SPRTN: variants seen among roughly 807,000 people sequenced by gnomAD.
SPRTN encodes SprT-like N-terminal domain.
A neutral mutation model predicts 31.9 loss-of-function variants in SPRTN; 11 were observed. That is an observed-to-expected ratio of 0.34 (90% CI 0.22 to 0.57). SPRTN has a LOEUF of 0.57. SPRTN is among the 20% of genes least tolerant of loss of function. SPRTN has a pLI of 0.86. For missense variants in SPRTN, 482 were observed against 590.1 expected (o/e 0.82, Z 1.90); for synonymous variants, 185 against 212.1 (o/e 0.87, Z 1.11).
In SPRTN at chr1:231,339,826, C is replaced by T. The variant is rs760311031; in HGVS notation, c.279C>T (p.Ser93=). Residue 93 remains serine, a synonymous_variant, in exon 2 of 5, where the codon AGC becomes AGT. Transcript: ENST00000295050. The part of the protein sequence containing the change: ...GKGGMCSIRL[S]EPLLKLRPRK... ...GTGGAATGTGTTCCATCCGTCTCAGCGAACCCCTTTTGAAGTTGAGGCCAA... is the reference window on the plus strand; with the variant it reads ...GTGGAATGTGTTCCATCCGTCTCAGTGAACCCCTTTTGAAGTTGAGGCCAA... 1 of 1,614,066 alleles carries T rather than the reference C, an allele frequency of 6.2e-7. No individual in the cohort carries two copies. Among genetic ancestry groups the T allele is most frequent in the Non-Finnish European group, 8.5e-7 (1 of 1,179,978 alleles).
At chr1:231,344,479 T>G (rs1686991410) in intron 2 of SPRTN, 1 of 172,312 alleles carries the variant, frequency 5.8e-6, no homozygotes, top group South Asian at 1.7e-4. Flanking sequence ...TGCACTCCAG[T>G]CTGGGTGAAA....
At position 231,353,894 on chromosome 1, in the gene SPRTN, G is replaced by A. The variant is rs1687316742; in HGVS notation, c.*533G>A. 2.1e-6 allele frequency: 2 copies of A among 944,904 alleles called. No homozygotes were observed. The highest frequency in any genetic ancestry group is 6.2e-5 in the Admixed American group (1 of 16,196). 58.5% of individuals were successfully genotyped at this position (944,904 alleles called of 1,614,324 possible). A position where few individuals can be genotyped will look rare whatever the true frequency, so the allele number is the denominator to read the frequency against. ...TGTTTGCAAAATCTTAACAGGAACT[G>A]TATTTTCTATATTTTAAAGAATTTT... is the stretch of plus-strand genomic sequence containing the variant. On this transcript the variant is annotated 3_prime_UTR_variant, in exon 5 of 5. Transcript: ENST00000295050.
rs750495209 is a variant in SPRTN, at chr1:231,352,896, A to C, written c.1005A>C (p.Val335=). The C allele has an allele frequency of 1.2e-6, 2 of 1,614,190 alleles. No homozygotes were observed. Among genetic ancestry groups the C allele is most frequent in the East Asian group, 2.2e-5 (1 of 44,878 alleles). Residue 335 remains valine, a synonymous_variant, in exon 5 of 5, where the codon GTA becomes GTC. Coordinates refer to ENST00000295050, the MANE Select transcript of SPRTN (RefSeq NM_032018.7). The stretch of plus-strand genomic sequence containing the variant: ...TTCTAAGCAACTACTTTCCTAGAGT[A>C]TCATTTGCCAACCAAAAGGCTTTCA... The part of the protein sequence containing the change: ...QNVLSNYFPR[V]SFANQKAFRG...
Position 231,347,915 on chromosome 1 carries a change from C to T in SPRTN, c.440C>T (p.Ala147Val). ...HMHRINSLTG[A>V]NITVYHTFHD... ...CATCGCATCAACAGCCTGACTGGAG[C>T]CAATATAACGGTATAGAAAGCCATA... is the stretch of plus-strand genomic sequence containing the variant. Residue 147 changes from alanine (A) to valine (V), a missense_variant, in exon 3 of 5, where the codon GCC becomes GTC. Ala to Val is a moderately conservative substitution (Grantham distance 64, BLOSUM62 0). This residue lies in a region of SPRTN where 157 missense variants were observed against 239.9 expected (regional missense o/e 0.65). Transcript: ENST00000295050. 6.2e-7 allele frequency: 1 copy of T among 1,611,830 alleles called. No individual in the cohort carries two copies. Among genetic ancestry groups the T allele is most frequent in the South Asian group, 1.1e-5 (1 of 90,570 alleles).
Position 231,354,269 on chromosome 1 carries a change from ATATTTTCCATG to A in SPRTN, c.*910_*920del, listed in dbSNP as rs1558370240. The A allele has an allele frequency of 3.1e-6, 3 of 977,364 alleles. No homozygotes were observed. The highest frequency in any genetic ancestry group is 2.3e-4 in the East Asian group (2 of 8,782). The allele number at this position is 977,364 out of a possible 1,614,324, so 60.5% of individuals were successfully genotyped here. ...TTTTAAGTAATCTTTTTTAAAAAAA[ATATTTTCCATG>A]TTATAGGGAAAGGACAAAGAGACTT... On this transcript the variant is annotated 3_prime_UTR_variant, in exon 5 of 5. Transcript: ENST00000295050.
chr1:231,347,896 A>G lies in SPRTN; in HGVS notation c.421A>G (p.Ile141Val). The G allele has an allele frequency of 1.2e-6, 2 of 1,613,794 alleles. No individual in the cohort carries two copies. The highest frequency in any genetic ancestry group is 1.7e-6 in the Non-Finnish European group (2 of 1,179,978). The change falls in exon 3 of 5, where the codon ATC (isoleucine) becomes GTC (valine). Residue 141 changes from isoleucine to valine, a missense_variant. Physicochemically the swap from Ile to Val is conservative, Grantham distance 29. Transcript: ENST00000295050. ...GPEFCKHMHR[I>V]NSLTGANITV... ...AGAATTTTGTAAACATATGCATCGC[A>G]TCAACAGCCTGACTGGAGCCAATAT... is the stretch of plus-strand genomic sequence containing the variant.
intron 4 of SPRTN, chr1:231,351,793 A>T (rs1230751071): frequency 1.7e-6 from 2 of 1,170,842 alleles, no homozygotes; most frequent in Non-Finnish European, 2.1e-6. Flanking sequence ...AATAGTTTCC[A>T]TGGATATTTT....
intron 3 of SPRTN, among the ~76,000 whole-genome samples, chr1:231,348,964 G>A (rs115881735): frequency 0.011 from 1,639 of 152,052 alleles, 27 homozygotes; most frequent in African/African-American, 0.037. Flanking sequence ...GTGCTCAACC[G>A]CCATGTTTTG....
Position 231,338,542 on chromosome 1 carries a change from C to T in SPRTN, c.159C>T (p.Asn53=). ...TGCAGGCACTGTTTGTTCAGTTTAA[C>T]GACCAATTCTTCTGGGGCCAGCTGG... is the stretch of plus-strand genomic sequence containing the variant. ...PDLQALFVQF[N]DQFFWGQLEA... is the part of the protein sequence containing the mutation. Residue 53 remains asparagine, a synonymous_variant, in exon 1 of 5, where the codon AAC becomes AAT. Coordinates refer to ENST00000295050, the MANE Select transcript of SPRTN (RefSeq NM_032018.7). 1 of 1,614,254 alleles carries T rather than the reference C, an allele frequency of 6.2e-7. No homozygotes were observed. The highest frequency in any genetic ancestry group is 8.5e-7 in the Non-Finnish European group (1 of 1,180,056).
In SPRTN at chr1:231,352,832, A is replaced by C. The variant is rs370828866; in HGVS notation, c.941A>C (p.His314Pro). 14 of 1,613,748 alleles carry C rather than the reference A, an allele frequency of 8.7e-6. No individual in the cohort carries two copies. Among genetic ancestry groups the C allele is most frequent in the Non-Finnish European group, 1.2e-5 (14 of 1,179,910 alleles). ...CAGAATGGTTCAAGTAAAAATTCTC[A>C]TCTGGTCTCCCCTGCTGTTAGTAAC... Reference protein sequence around the residue: ...FEQNGSSKNSHLVSPAVSNSH... With the variant: ...FEQNGSSKNSPLVSPAVSNSH... The change falls in exon 5 of 5, where the codon CAT becomes CCT. Residue 314 changes from histidine to proline, a missense_variant. Around this residue, in one of 2 missense-constraint regions of SPRTN, gnomAD observed 325 missense variants for 350.2 expected, o/e 0.93. Coordinates refer to ENST00000295050, the MANE Select transcript of SPRTN (RefSeq NM_032018.7).
intron 2 of SPRTN, among the ~76,000 whole-genome samples, chr1:231,346,919 G>T (rs1201926636): frequency 6.7e-6 from 1 of 148,884 alleles, no homozygotes; most frequent in Non-Finnish European, 1.5e-5. Context: ...TCCAGCCTGG[G>T]CAACAGAGTA....
chr1:231,345,713 T>C (rs771893048), intron 2 of SPRTN, among the ~76,000 whole-genome samples: 6 of 152,242 alleles, frequency 3.9e-5, no homozygotes, highest in Non-Finnish European at 7.3e-5. Flanking sequence ...ACCAGCAGTA[T>C]ATAGGAATGT....
chr1:231,352,394 T>C, intron 4 of SPRTN: 1 of 1,223,442 alleles, frequency 8.2e-7, no homozygotes, highest in Non-Finnish European at 1.0e-6. Flanking sequence ...TATTTAAATA[T>C]GAGAGAATTT....
At chr1:231,351,036 A>T (rs1485169716) in intron 3 of SPRTN, among the ~76,000 whole-genome samples, 3 of 152,046 alleles carry the variant, frequency 2.0e-5, no homozygotes, top group African/African-American at 7.2e-5. Flanking sequence ...TTTTGTTTTT[A>T]AAAGATTTTT....
chr1:231,338,536 G>T lies in SPRTN; in HGVS notation c.153G>T (p.Gln51His), dbSNP rs545424449. The T allele has an allele frequency of 1.9e-6, 3 of 1,614,254 alleles. No individual in the cohort carries two copies. The African/African-American group carries it at 4.0e-5, about 22-fold the overall frequency. Reference protein sequence around the residue: ...PTPDLQALFVQFNDQFFWGQL... With the variant: ...PTPDLQALFVHFNDQFFWGQL... Reference sequence around the variant, plus strand: ...CGGACTTGCAGGCACTGTTTGTTCAGTTTAACGACCAATTCTTCTGGGGCC... The same window carrying T: ...CGGACTTGCAGGCACTGTTTGTTCATTTTAACGACCAATTCTTCTGGGGCC... Residue 51 changes from glutamine to histidine, a missense_variant, in exon 1 of 5, where the codon CAG (glutamine) becomes CAT (histidine). Gln to His is a conservative substitution (Grantham distance 24). Coordinates refer to ENST00000295050, the MANE Select transcript of SPRTN (RefSeq NM_032018.7).
intron 2 of SPRTN, among the ~76,000 whole-genome samples, chr1:231,346,591 A>G (rs1451486971): frequency 6.6e-6 from 1 of 151,992 alleles, no homozygotes; most frequent in Non-Finnish European, 1.5e-5. Flanking sequence ...CTGTGATAAG[A>G]GTTATACATA....
rs2102869880 is a variant in SPRTN, at chr1:231,347,919, T to C, written c.444T>C (p.Asn148=). The part of the protein sequence containing the change: ...MHRINSLTGA[N]ITVYHTFHDE... ...GCATCAACAGCCTGACTGGAGCCAA[T>C]ATAACGGTATAGAAAGCCATATCTA... is the stretch of plus-strand genomic sequence containing the variant. The change falls in exon 3 of 5, where the codon AAT becomes AAC. Residue 148 remains asparagine, a synonymous_variant. Transcript: ENST00000295050. 6.2e-7 allele frequency: 1 copy of C among 1,610,838 alleles called. No homozygotes were observed. The highest frequency in any genetic ancestry group is 8.5e-7 in the Non-Finnish European group (1 of 1,179,310).
chr1:231,347,866 G>A lies in SPRTN; in HGVS notation c.391G>A (p.Gly131Ser), dbSNP rs1362014865. 1.2e-6 allele frequency: 2 copies of A among 1,613,926 alleles called. No homozygotes were observed. Among genetic ancestry groups the A allele is most frequent in the South Asian group, 1.1e-5 (1 of 91,056 alleles). Residue 131 changes from glycine (G) to serine (S), a missense_variant, in exon 3 of 5, where the codon GGT becomes AGT. This residue lies in a region of SPRTN where 157 missense variants were observed against 239.9 expected (regional missense o/e 0.65). Coordinates refer to ENST00000295050, the MANE Select transcript of SPRTN (RefSeq NM_032018.7). ...TNNDKDREGH[G>S]PEFCKHMHRI... is the part of the protein sequence containing the mutation. Reference sequence around the variant, plus strand: ...TAACGACAAAGACCGAGAAGGGCATGGTCCAGAATTTTGTAAACATATGCA... The same window carrying A: ...TAACGACAAAGACCGAGAAGGGCATAGTCCAGAATTTTGTAAACATATGCA...
chr1:231,347,890 C>A lies in SPRTN; in HGVS notation c.415C>A (p.His139Asn). The change falls in exon 3 of 5, where the codon CAT becomes AAT. Residue 139 changes from histidine (H) to asparagine (N), a missense_variant. This residue lies in a region of SPRTN where 157 missense variants were observed against 239.9 expected (regional missense o/e 0.65). Coordinates refer to ENST00000295050, the MANE Select transcript of SPRTN (RefSeq NM_032018.7). The stretch of plus-strand genomic sequence containing the variant: ...TGGTCCAGAATTTTGTAAACATATG[C>A]ATCGCATCAACAGCCTGACTGGAGC... ...GHGPEFCKHM[H>N]RINSLTGANI... is the part of the protein sequence containing the mutation. 6.2e-7 allele frequency: 1 copy of A among 1,613,778 alleles called. No homozygotes were observed. The highest frequency in any genetic ancestry group is 1.3e-5 in the African/African-American group (1 of 74,996).
Sources: allele counts gnomAD v4.1 joint callset (sites outside exome capture counted in the v4.1 genomes callset), GRCh38; gene constraint gnomAD v4.1.1; regional missense constraint gnomAD v4.1.1; transcripts MANE v1.5; gene names NCBI Gene and HGNC (gene_info 2026-07-23, HGNC 2026-07-21).